EIF4EBP1: variants seen among roughly 807,000 people sequenced by gnomAD.
The protein encoded by EIF4EBP1 is eukaryotic translation initiation factor 4E binding protein 1.
Under a neutral mutation model 9.2 loss-of-function variants are expected in EIF4EBP1, and 5 were observed. That is an observed-to-expected ratio of 0.54 (90% CI 0.28 to 1.14). The LOEUF (loss-of-function observed/expected upper bound fraction) is 1.14, where lower values mean the gene tolerates loss of function less well. EIF4EBP1 is among the 50% of genes most tolerant of loss of function. EIF4EBP1 has a pLI of 0.09. For synonymous variants in EIF4EBP1, 62 were observed against 67.0 expected (o/e 0.93, Z 0.36); for missense variants, 139 against 169.6 (o/e 0.82, Z 1.00).
chr8:38,058,552 T>C (rs1172571887), intron 2 of EIF4EBP1, among the ~76,000 whole-genome samples: 1 of 152,234 alleles, frequency 6.6e-6, no homozygotes, highest in Non-Finnish European at 1.5e-5. Context: ...ATTCCAGCCC[T>C]GGACCCCCCA....
chr8:38,054,596 G>A (rs545913980), intron 1 of EIF4EBP1, among the ~76,000 whole-genome samples: 2 of 152,272 alleles, frequency 1.3e-5, no homozygotes, highest in Non-Finnish European at 2.9e-5. Flanking sequence ...TCCCCACCCC[G>A]CTGCCTGGAC....
chr8:38,051,848 C>T (rs193260436), intron 1 of EIF4EBP1, among the ~76,000 whole-genome samples: 2,091 of 152,206 alleles, frequency 0.014, 52 homozygotes, highest in African/African-American at 0.048. Flanking sequence ...CTGCCTGCCT[C>T]GGCCTCCCAA....
chr8:38,041,593 C>T (rs1366115318), intron 1 of EIF4EBP1, among the ~76,000 whole-genome samples: 1 of 152,246 alleles, frequency 6.6e-6, no homozygotes, highest in Non-Finnish European at 1.5e-5. Flanking sequence ...ACTGGAATCA[C>T]AACCCTGTGA....
chr8:38,042,782 G>A (rs1018611232), intron 1 of EIF4EBP1, among the ~76,000 whole-genome samples: 3 of 152,176 alleles, frequency 2.0e-5, no homozygotes, highest in African/African-American at 7.2e-5. Flanking sequence ...TTTGGGGGCA[G>A]GCCGAGCATG....
intron 1 of EIF4EBP1, among the ~76,000 whole-genome samples, chr8:38,044,133 C>G (rs976714637): frequency 4.0e-5 from 6 of 151,866 alleles, no homozygotes; most frequent in Non-Finnish European, 8.8e-5. Flanking sequence ...GTGAAATGCT[C>G]TCCCTCTCCC....
chr8:38,045,474 G>T (rs1010758477), intron 1 of EIF4EBP1, among the ~76,000 whole-genome samples: 2 of 151,894 alleles, frequency 1.3e-5, no homozygotes, highest in African/African-American at 2.4e-5. Context: ...GGAGGCCGAG[G>T]TGGGGGGATT....
intron 1 of EIF4EBP1, among the ~76,000 whole-genome samples, chr8:38,033,891 C>T (rs1259369005): frequency 7.9e-5 from 12 of 151,896 alleles, no homozygotes; most frequent in African/African-American, 2.4e-4. Flanking sequence ...GGACTACAGG[C>T]GCCCGCGATC....
At chr8:38,046,586 G>T (rs1809452078) in intron 1 of EIF4EBP1, among the ~76,000 whole-genome samples, 1 of 152,138 alleles carries the variant, frequency 6.6e-6, no homozygotes, top group Non-Finnish European at 1.5e-5. Flanking sequence ...ATGTCACCTG[G>T]ACCCTGCAGG....
At chr8:38,048,338 G>C (rs150749793) in intron 1 of EIF4EBP1, among the ~76,000 whole-genome samples, 498 of 151,806 alleles carry the variant, frequency 3.3e-3, no homozygotes, top group Non-Finnish European at 5.2e-3. Context: ...GATGATTCTT[G>C]AGCCAAGTAC....
intron 1 of EIF4EBP1, among the ~76,000 whole-genome samples, chr8:38,031,667 G>A (rs1412992157): frequency 6.6e-6 from 1 of 152,216 alleles, no homozygotes; most frequent in East Asian, 1.9e-4. Flanking sequence ...TAGGTGGCGG[G>A]CGGGGGCCAC....
intron 1 of EIF4EBP1, among the ~76,000 whole-genome samples, chr8:38,043,716 C>T (rs887516317): frequency 1.3e-5 from 2 of 152,108 alleles, no homozygotes; most frequent in South Asian, 2.1e-4. Context: ...GGCTGCCGAT[C>T]GTCCCCATCT....
intron 1 of EIF4EBP1, among the ~76,000 whole-genome samples, chr8:38,033,839 C>T (rs553445477): frequency 1.3e-4 from 19 of 151,594 alleles, no homozygotes; most frequent in Non-Finnish European, 2.5e-4. Context: ...CTCCGCCTCC[C>T]GGGTTCACGC....
chr8:38,058,219 GT>G (rs1384369903), intron 2 of EIF4EBP1, among the ~76,000 whole-genome samples: 1 of 152,172 alleles, frequency 6.6e-6, no homozygotes, highest in Admixed American at 6.5e-5. Context: ...AAGAAAAATG[GT>G]TTATTTCTTA....
intron 1 of EIF4EBP1, among the ~76,000 whole-genome samples, chr8:38,031,483 G>C (rs1168399311): frequency 6.6e-6 from 1 of 152,206 alleles, no homozygotes; most frequent in Admixed American, 6.5e-5. Flanking sequence ...GAGCCCCAGC[G>C]CACAGACGCT....
intron 2 of EIF4EBP1, 85 bp from the exon 3 acceptor site, chr8:38,059,819 A>G (rs1418557519): frequency 1.7e-5 from 21 of 1,263,172 alleles, no homozygotes; most frequent in Admixed American, 5.4e-5. Flanking sequence ...AACCTCAGGT[A>G]TTTCTTTATA....
At chr8:38,053,332 GT>G (rs1809551297) in intron 1 of EIF4EBP1, among the ~76,000 whole-genome samples, 1 of 151,658 alleles carries the variant, frequency 6.6e-6, no homozygotes, top group Non-Finnish European at 1.5e-5. Context: ...TTTTTGTTTT[GT>G]TTTGTTTTGA....
At chr8:38,041,148 C>T (rs982611963) in intron 1 of EIF4EBP1, among the ~76,000 whole-genome samples, 1 of 152,082 alleles carries the variant, frequency 6.6e-6, no homozygotes. Context: ...GTCGCCCAGG[C>T]CAGAGTGCAG....
At chr8:38,044,172 C>T (rs2130387825) in intron 1 of EIF4EBP1, among the ~76,000 whole-genome samples, 1 of 151,598 alleles carries the variant, frequency 6.6e-6, no homozygotes, top group East Asian at 1.9e-4. Flanking sequence ...TCTAGGAATT[C>T]CATCCTCGTA....
rs1809608637 is a variant in EIF4EBP1 at position 38,057,151 on chromosome 8, A to G, written c.216A>G (p.Pro72=). Residue 72 remains proline, a synonymous_variant, in exon 2 of 3, where the codon CCA becomes CCG. Transcript: ENST00000338825. ...CRNSPVTKTP[P]RDLPTIPGVT... Reference sequence around the variant, plus strand: ...ACTCACCTGTGACCAAAACACCCCCAAGGGATCTGCCCACCATTCCGGGGG... The same window carrying G: ...ACTCACCTGTGACCAAAACACCCCCGAGGGATCTGCCCACCATTCCGGGGG... The G allele has an allele frequency of 1.9e-6, 3 of 1,614,216 alleles. No individual in the cohort carries two copies. The highest frequency in any genetic ancestry group is 2.5e-6 in the Non-Finnish European group (3 of 1,180,036).
Sources: gnomAD v4.1 joint callset for allele counts (sites outside exome capture counted in the v4.1 genomes callset) on GRCh38, gnomAD v4.1.1 for gene constraint, MANE v1.5 for transcripts, NCBI Gene and HGNC (gene_info 2026-07-23, HGNC 2026-07-21) for gene names.